The following NEXN variants were observed in gnomAD, a reference collection of about 807,000 sequenced individuals.
NEXN encodes nexilin F-actin binding protein.
NEXN carries 65 observed loss-of-function variants against 92.6 expected under a neutral mutation model. The ratio of observed to expected loss-of-function variants is 0.70; its 90% CI spans 0.57 to 0.86. The LOEUF (loss-of-function observed/expected upper bound fraction) is 0.86. NEXN is among the 40% of genes least tolerant of loss of function. NEXN has a pLI of 0.00. For synonymous variants in NEXN, 254 were observed against 242.5 expected (o/e 1.05, Z -0.44); for missense variants, 778 against 771.1 (o/e 1.01, Z -0.11).
At chr1:77,934,451 T>C (rs1165560091) in intron 10 of NEXN, among the ~76,000 whole-genome samples, 1 of 152,240 alleles carries the variant, frequency 6.6e-6, no homozygotes, top group Non-Finnish European at 1.5e-5. Flanking sequence ...AGCCACTGTC[T>C]TGAAATTCTT....
At chr1:77,907,528 G>C (rs1648205989) in intron 1 of NEXN, among the ~76,000 whole-genome samples, 1 of 152,134 alleles carries the variant, frequency 6.6e-6, no homozygotes, top group African/African-American at 2.4e-5. Flanking sequence ...TTGAGTAAAG[G>C]ATCACTTGCT....
intron 1 of NEXN, among the ~76,000 whole-genome samples, chr1:77,912,369 C>A (rs1302031405): frequency 6.6e-6 from 1 of 151,918 alleles, no homozygotes; most frequent in African/African-American, 2.4e-5. Flanking sequence ...GATATTAATT[C>A]TCCCTAGATC....
chr1:77,939,239 G>A (rs745896194), intron 11 of NEXN, among the ~76,000 whole-genome samples: 11 of 152,196 alleles, frequency 7.2e-5, no homozygotes, highest in Non-Finnish European at 1.3e-4. Context: ...GAGAAATCAG[G>A]TCTGGGGAGT....
chr1:77,911,754 T>C (rs1328940251), intron 1 of NEXN, among the ~76,000 whole-genome samples: 4 of 151,372 alleles, frequency 2.6e-5, no homozygotes, highest in Non-Finnish European at 5.9e-5. Flanking sequence ...TATATATATA[T>C]ATATATACAC....
At chr1:77,909,247 C>A (rs1571093861) in intron 1 of NEXN, among the ~76,000 whole-genome samples, 1 of 152,038 alleles carries the variant, frequency 6.6e-6, no homozygotes, top group African/African-American at 2.4e-5. Flanking sequence ...ATGGTGAAAC[C>A]CTGTCTCTAC....
rs1271574918 is a variant in NEXN, at chr1:77,942,545, C to T, written c.1744C>T (p.Pro582Ser). The change falls in exon 13 of 13, where the codon CCA becomes TCA. Residue 582 changes from proline to serine, a missense_variant. By Grantham distance (74) the Pro-to-Ser change is moderately conservative. Coordinates refer to ENST00000334785, the MANE Select transcript of NEXN (RefSeq NM_144573.4). ...TGAAGAGCAAACCAGATCAGGAGCT[C>T]CATGGTTCAAGAAGCCTCTTAAAAA... The part of the protein sequence containing the change: ...EDEEQTRSGA[P>S]WFKKPLKNTS... 2.5e-6 allele frequency: 4 copies of T among 1,613,740 alleles called. No homozygotes were observed. Among genetic ancestry groups the T allele is most frequent in the African/African-American group, 2.7e-5 (2 of 74,894 alleles).
intron 1 of NEXN, among the ~76,000 whole-genome samples, chr1:77,897,184 A>G (rs1647307055): frequency 6.6e-6 from 1 of 152,220 alleles, no homozygotes; most frequent in Admixed American, 6.5e-5. Context: ...CCTGATACCA[A>G]AGCCTGGCAG....
chr1:77,896,590 T>A (rs542148477), intron 1 of NEXN, among the ~76,000 whole-genome samples: 1 of 152,090 alleles, frequency 6.6e-6, no homozygotes, highest in East Asian at 1.9e-4. Context: ...TGAAACCCCA[T>A]CCCTACTAAA....
intron 10 of NEXN, among the ~76,000 whole-genome samples, chr1:77,934,543 T>TTTA (rs1650590321): frequency 2.0e-5 from 3 of 152,248 alleles, no homozygotes; most frequent in Non-Finnish European, 4.4e-5. Context: ...GAGCTTTTGC[T>TTTA]CACTAAAGCT....
chr1:77,890,771 T>C (rs2102019788), intron 1 of NEXN, among the ~76,000 whole-genome samples: 1 of 152,216 alleles, frequency 6.6e-6, no homozygotes, highest in African/African-American at 2.4e-5. Flanking sequence ...ATTATTTAAA[T>C]ATGAGAGTTG....
At chr1:77,931,417 A>T (rs1650297834) in intron 9 of NEXN, among the ~76,000 whole-genome samples, 1 of 127,988 alleles carries the variant, frequency 7.8e-6, no homozygotes, top group African/African-American at 3.6e-5. Context: ...CGTCTCAAAA[A>T]AAAAAAAAAA....
At chr1:77,895,029 ATTTTTTTTT>A (rs559226754) in intron 1 of NEXN, among the ~76,000 whole-genome samples, 28 of 61,652 alleles carry the variant, frequency 4.5e-4, no homozygotes, top group African/African-American at 1.8e-3. Context: ...CTATAGTGTA[ATTTTTTTTT>A]TTTTTTTTTT....
rs1557975097 is a variant in NEXN at position 77,918,291 on chromosome 1, GT to G, written c.447+20del. On this transcript the variant is annotated intron_variant, in intron 5 of 12. Coordinates refer to ENST00000334785, the MANE Select transcript of NEXN (RefSeq NM_144573.4). ...CTGAACAGGTATCACTGAAGATTAA[GT>G]TCGTATTTGTTTCTGAAACTAACTG... is the stretch of plus-strand genomic sequence containing the variant. The G allele has an allele frequency of 3.1e-6, 5 of 1,613,156 alleles. No individual in the cohort carries two copies. In the South Asian group the frequency reaches 4.4e-5, roughly 14 times the overall value.
intron 11 of NEXN, among the ~76,000 whole-genome samples, chr1:77,940,040 C>T (rs944404603): frequency 1.3e-5 from 2 of 152,200 alleles, no homozygotes; most frequent in African/African-American, 4.8e-5. Context: ...CGCCACTGCA[C>T]TCCAGCCTGG....
Position 77,942,005 on chromosome 1 carries a change from T to A in NEXN, c.1474-18T>A, listed in dbSNP as rs765254918. On this transcript the variant is annotated intron_variant, in intron 11 of 12. Coordinates refer to ENST00000334785, the MANE Select transcript of NEXN (RefSeq NM_144573.4). ...TTAGAAGGCAAGCAATTGTTAATCT[T>A]GGCCCACTTTCTTGCAGGAAGATGA... is the stretch of plus-strand genomic sequence containing the variant. 1 of 1,609,268 alleles carries A rather than the reference T, an allele frequency of 6.2e-7. No homozygotes were observed. The highest frequency in any genetic ancestry group is 2.2e-5 in the East Asian group (1 of 44,730).
rs568918727 is a variant in NEXN, at chr1:77,896,983, A to C, written c.-53+8224A>C. 1.8e-4 allele frequency among the ~76,000 whole-genome samples: 27 copies of C among 152,308 alleles called. No individual in the cohort carries two copies. In the South Asian group the frequency reaches 5.6e-3, roughly 32 times the overall value. On this transcript the variant is annotated intron_variant, in intron 1 of 12. Transcript: ENST00000334785. ...AGGAAGAAGTTGAATCTCTGAATAG[A>C]CCAATAACAGGCTCTGAAGTTGTGG...
chr1:77,905,718 AG>A (rs1314580261), intron 1 of NEXN, among the ~76,000 whole-genome samples: 26 of 152,214 alleles, frequency 1.7e-4, no homozygotes, highest in Admixed American at 6.5e-4. Context: ...TGCTACAATT[AG>A]GGTAACCATG....
In NEXN at chr1:77,917,771, A is replaced by C; in HGVS notation, c.219+14A>C. 6.3e-7 allele frequency: 1 copy of C among 1,589,526 alleles called. No individual in the cohort carries two copies. The highest frequency in any genetic ancestry group is 8.6e-7 in the Non-Finnish European group (1 of 1,158,722). ...AGAAAGCAGGAGGTTATTTTATTTT[A>C]CTTTATTCTCGTGAAAATATTTGTT... On this transcript the variant is annotated intron_variant, in intron 3 of 12. Coordinates refer to ENST00000334785, the MANE Select transcript of NEXN (RefSeq NM_144573.4).
intron 11 of NEXN, among the ~76,000 whole-genome samples, chr1:77,936,510 A>G (rs901737766): frequency 6.6e-6 from 1 of 152,240 alleles, no homozygotes; most frequent in Admixed American, 6.5e-5. Context: ...GTTAAACTCC[A>G]GATTATTCAT....
Sources: gnomAD v4.1 joint callset for allele counts (sites outside exome capture counted in the v4.1 genomes callset) on GRCh38, gnomAD v4.1.1 for gene constraint, MANE v1.5 for transcripts, NCBI Gene and HGNC (gene_info 2026-07-23, HGNC 2026-07-21) for gene names.